PFDN1: variants seen among roughly 807,000 people sequenced by gnomAD.
PFDN1 encodes the protein prefoldin subunit 1.
Under a neutral mutation model 17.3 loss-of-function variants are expected in PFDN1, and 6 were observed. The ratio of observed to expected loss-of-function variants is 0.35; its 90% CI spans 0.19 to 0.69. The LOEUF (loss-of-function observed/expected upper bound fraction) is 0.69, where lower values mean the gene tolerates loss of function less well. Among genes scored for constraint, PFDN1 ranks in the 30% least tolerant of loss-of-function variants. The probability of loss-of-function intolerance (pLI) is 0.65; values close to 1 mark genes in which losing one functional copy is unlikely to be tolerated. For missense variants in PFDN1, 113 were observed against 146.2 expected, an observed-to-expected ratio of 0.77 and a Z score of 1.17; for synonymous variants, 58 against 50.1, an observed-to-expected ratio of 1.16 and a Z score of -0.67.
At chr5:140,283,466 C>G (rs1765441406) in intron 2 of PFDN1, among the ~76,000 whole-genome samples, 2 of 152,194 alleles carry the variant, frequency 1.3e-5, no homozygotes, top group Admixed American at 6.5e-5. Flanking sequence ...ATTTCCTGAC[C>G]TCGTGATCTG....
chr5:140,247,290 A>ATTT (rs754490930), intron 3 of PFDN1, among the ~76,000 whole-genome samples: 3 of 142,210 alleles, frequency 2.1e-5, no homozygotes, highest in Non-Finnish European at 3.1e-5. Flanking sequence ...TGCCCGGCTA[A>ATTT]TTTTTTTTTT....
chr5:140,262,181 G>A (rs901771090), intron 3 of PFDN1, among the ~76,000 whole-genome samples: 3 of 152,144 alleles, frequency 2.0e-5, no homozygotes, highest in Admixed American at 6.5e-5. Context: ...AGGCCACTTA[G>A]AAGCCACTTA....
chr5:140,271,624 G>C (rs1477179636), intron 3 of PFDN1, among the ~76,000 whole-genome samples: 6 of 152,106 alleles, frequency 3.9e-5, no homozygotes, highest in Non-Finnish European at 5.9e-5. Flanking sequence ...CTGGAGTGTG[G>C]GTGGAGGGTG....
chr5:140,301,460 T>C (rs1468607150), intron 1 of PFDN1, among the ~76,000 whole-genome samples: 1 of 152,174 alleles, frequency 6.6e-6, no homozygotes, highest in African/African-American at 2.4e-5. Context: ...CTTAATAACA[T>C]CTGTGACTGC....
At chr5:140,275,523 G>A (rs1581090467) in intron 3 of PFDN1, among the ~76,000 whole-genome samples, 2 of 152,170 alleles carry the variant, frequency 1.3e-5, no homozygotes, top group South Asian at 4.1e-4. Context: ...TAAGAGACAA[G>A]GGCCAGTAGA....
rs191964790 is a variant in PFDN1 at position 140,263,117 on chromosome 5, C to T, written c.286-17060G>A. Among the ~76,000 whole-genome samples the T allele has an allele frequency of 1.2e-3, 185 of 152,334 alleles. 5 individuals carry two copies. Among genetic ancestry groups the T allele is most frequent in the Admixed American group, 1.6e-3 (24 of 15,302 alleles). On this transcript the variant is annotated intron_variant, in intron 3 of 3. Coordinates refer to ENST00000261813, the MANE Select transcript of PFDN1 (RefSeq NM_002622.5). ...ACCTCCAGCTTTAATTAGTTATAGTCCCGGCCTCCTCCATCTAGTCCAGGG... is the reference window on the plus strand; with the variant it reads ...ACCTCCAGCTTTAATTAGTTATAGTTCCGGCCTCCTCCATCTAGTCCAGGG...
At chr5:140,299,623 G>A (rs1765710156) in intron 2 of PFDN1, among the ~76,000 whole-genome samples, 2 of 151,060 alleles carry the variant, frequency 1.3e-5, no homozygotes, top group African/African-American at 2.4e-5. Flanking sequence ...GTACTTTAAA[G>A]TCTAAACTTA....
At chr5:140,293,628 G>T (rs1765611559) in intron 2 of PFDN1, among the ~76,000 whole-genome samples, 1 of 152,062 alleles carries the variant, frequency 6.6e-6, no homozygotes, top group Non-Finnish European at 1.5e-5. Context: ...CTCGTCTGCA[G>T]AAGAAACAGG....
chr5:140,300,158 G>A (rs1263180331), intron 2 of PFDN1, among the ~76,000 whole-genome samples: 8 of 152,102 alleles, frequency 5.3e-5, no homozygotes, highest in Non-Finnish European at 2.9e-5. Context: ...TCCTGCCTCA[G>A]CCTCCCAAGT....
intron 1 of PFDN1, among the ~76,000 whole-genome samples, chr5:140,302,715 G>C (rs1278461032): frequency 1.3e-5 from 2 of 152,178 alleles, no homozygotes; most frequent in African/African-American, 4.8e-5. Flanking sequence ...CATTTGAAAT[G>C]CTCTCTTTAG....
chr5:140,271,413 T>G (rs1012170325), intron 3 of PFDN1, among the ~76,000 whole-genome samples: 1 of 152,182 alleles, frequency 6.6e-6, no homozygotes, highest in Non-Finnish European at 1.5e-5. Context: ...AGAAATCACT[T>G]CACCCAAGAC....
At chr5:140,277,857 C>T (rs56391366) in intron 3 of PFDN1, among the ~76,000 whole-genome samples, 4,271 of 152,188 alleles carry the variant, frequency 0.028, 203 homozygotes, top group African/African-American at 0.097. Context: ...ATTAGACTAA[C>T]AGATGACTTC....
intron 3 of PFDN1, among the ~76,000 whole-genome samples, chr5:140,275,471 C>A (rs1354008385): frequency 3.3e-5 from 5 of 151,500 alleles, no homozygotes; most frequent in Non-Finnish European, 7.4e-5. Flanking sequence ...GACTCCCTAT[C>A]AAGATTAACA....
chr5:140,289,534 C>T (rs1313556925), intron 2 of PFDN1, among the ~76,000 whole-genome samples: 1 of 152,152 alleles, frequency 6.6e-6, no homozygotes, highest in African/African-American at 2.4e-5. Flanking sequence ...CTTTCTTCTC[C>T]AGTGCCCATA....
chr5:140,278,557 CAAAAAAAAAAAAAAA>C (rs113129230), intron 3 of PFDN1, among the ~76,000 whole-genome samples: 6 of 79,014 alleles, frequency 7.6e-5, no homozygotes, highest in African/African-American at 2.1e-4. Context: ...GACTCTGTCT[CAAAAAAAAAAAAAAA>C]AAAAAAAAAA....
chr5:140,261,151 G>C (rs967767855), intron 3 of PFDN1, among the ~76,000 whole-genome samples: 3 of 118,082 alleles, frequency 2.5e-5, no homozygotes, highest in Non-Finnish European at 4.9e-5. Context: ...GACACAGTAA[G>C]ACTCCATCTC....
At position 140,245,090 on chromosome 5, in the gene PFDN1, A is replaced by C. The variant is rs188674907; in HGVS notation, c.*884T>G. ...AATTAGGGATGCATTTTGAATATTTATTGTCCTTGTTTTTAACATAATTTG... is the reference window on the plus strand; with the variant it reads ...AATTAGGGATGCATTTTGAATATTTCTTGTCCTTGTTTTTAACATAATTTG... On this transcript the variant is annotated 3_prime_UTR_variant, in exon 4 of 4. Transcript: ENST00000261813. 4.6e-6 allele frequency: 1 copy of C among 215,066 alleles called. No homozygotes were observed. The highest frequency in any genetic ancestry group is 5.3e-5 in the Admixed American group (1 of 18,858). The allele number at this position is 215,066 out of a possible 1,614,324, so 13.3% of individuals were successfully genotyped here.
rs373133651 is a variant in PFDN1, at chr5:140,245,927, C to T, written c.*47G>A. On this transcript the variant is annotated 3_prime_UTR_variant, in exon 4 of 4. Coordinates refer to ENST00000261813, the MANE Select transcript of PFDN1 (RefSeq NM_002622.5). ...TTCCCTGCAGACACTCCTCTGCCCC[C>T]ACCAGGAATGGGAGGGGCAGGAGGA... The T allele has an allele frequency of 9.5e-5, 102 of 1,074,696 alleles. No individual in the cohort carries two copies. The African/African-American group carries it at 1.3e-3, about 14-fold the overall frequency. 66.6% of individuals were successfully genotyped at this position (1,074,696 alleles called of 1,614,324 possible).
At chr5:140,278,453 C>G (rs1000058291) in intron 3 of PFDN1, among the ~76,000 whole-genome samples, 17 of 148,254 alleles carry the variant, frequency 1.1e-4, no homozygotes, top group Middle Eastern at 3.4e-3. Flanking sequence ...CCCAGGTACT[C>G]AGGAGGCTGA....
Sources: gnomAD v4.1 joint callset for allele counts (sites outside exome capture counted in the v4.1 genomes callset) on GRCh38, gnomAD v4.1.1 for gene constraint, MANE v1.5 for transcripts, NCBI Gene and HGNC (gene_info 2026-07-23, HGNC 2026-07-21) for gene names.